Variants in ROBO1 observed in about 807,000 individuals in gnomAD.
The protein encoded by ROBO1 is roundabout guidance receptor 1.
ROBO1 carries 149 observed loss-of-function variants against 195.9 expected under a neutral mutation model. That is an observed-to-expected ratio of 0.76 (90% CI 0.67 to 0.87). The LOEUF (loss-of-function observed/expected upper bound fraction) is 0.87. Among genes scored for constraint, ROBO1 ranks in the 40% least tolerant of loss-of-function variants. The pLI, the probability that ROBO1 is intolerant of heterozygous loss-of-function variation, is 0.00. For missense variants in ROBO1, 1,933 were observed against 2,068.3 expected, an observed-to-expected ratio of 0.93 and a Z score of 1.27; for synonymous variants, 816 against 733.2, an observed-to-expected ratio of 1.11 and a Z score of -1.82.
At chr3:79,009,664 A>AC (rs1273027331) in intron 3 of ROBO1, among the ~76,000 whole-genome samples, 2 of 152,210 alleles carry the variant, frequency 1.3e-5, no homozygotes, top group African/African-American at 2.4e-5. Flanking sequence ...ATTGGCAGGA[A>AC]TTATGTGAAC....
intron 3 of ROBO1, among the ~76,000 whole-genome samples, chr3:79,076,475 T>C (rs186226429): frequency 2.0e-5 from 3 of 151,606 alleles, no homozygotes; most frequent in Non-Finnish European, 1.5e-5. Context: ...AATTTTATAA[T>C]GAAATACTGT....
intron 8 of ROBO1, among the ~76,000 whole-genome samples, chr3:78,712,653 C>T (rs748379484): frequency 3.9e-5 from 6 of 152,070 alleles, no homozygotes; most frequent in Admixed American, 6.5e-5. Context: ...GAAAACACAA[C>T]GCAGTTGAAA....
chr3:79,449,949 A>G (rs1225933566), intron 2 of ROBO1, among the ~76,000 whole-genome samples: 1 of 152,094 alleles, frequency 6.6e-6, no homozygotes, highest in East Asian at 1.9e-4. Flanking sequence ...AGGTTAAGAA[A>G]CATACCCAAG....
rs187606626 is a variant in ROBO1 at position 79,610,310 on chromosome 3, T to C, written c.-50-20349A>G. Among the ~76,000 whole-genome samples the C allele has an allele frequency of 1.4e-3, 209 of 151,958 alleles. 2 individuals carry two copies. The highest frequency in any genetic ancestry group is 0.013 in the Admixed American group (192 of 15,208). The stretch of plus-strand genomic sequence containing the variant: ...TACAATATGATATTGACAATAGTAA[T>C]CAATAATAAAATAGGATAAGTATAA... On this transcript the variant is annotated intron_variant, in intron 1 of 30. Coordinates refer to ENST00000464233, the MANE Select transcript of ROBO1 (RefSeq NM_002941.4).
chr3:79,080,503 TTTAGTTTCTCAATA>T (rs1351396397), intron 3 of ROBO1, among the ~76,000 whole-genome samples: 1 of 152,088 alleles, frequency 6.6e-6, no homozygotes, highest in Non-Finnish European at 1.5e-5. Flanking sequence ...CAGTTTCTAC[TTTAGTTTCTCAATA>T]TTTAAAATCC....
At chr3:78,678,422 A>C (rs992326482) in intron 10 of ROBO1, among the ~76,000 whole-genome samples, 2 of 152,110 alleles carry the variant, frequency 1.3e-5, no homozygotes, top group Non-Finnish European at 2.9e-5. Context: ...ATTGATAGAC[A>C]GCTAGCAAGA....
intron 1 of ROBO1, among the ~76,000 whole-genome samples, chr3:79,590,814 T>C (rs1463684928): frequency 6.6e-6 from 1 of 151,456 alleles, no homozygotes; most frequent in African/African-American, 2.4e-5. Context: ...TTATCATAGA[T>C]AGGTAGATAG....
At chr3:78,770,911 T>C (rs2083356247) in intron 4 of ROBO1, among the ~76,000 whole-genome samples, 1 of 151,448 alleles carries the variant, frequency 6.6e-6, no homozygotes, top group South Asian at 2.1e-4. Flanking sequence ...TAAATAATAA[T>C]AAAAAAAATA....
At chr3:79,040,477 G>A (rs1411575677) in intron 3 of ROBO1, among the ~76,000 whole-genome samples, 1 of 152,048 alleles carries the variant, frequency 6.6e-6, no homozygotes, top group Non-Finnish European at 1.5e-5. Context: ...GGATGAAATT[G>A]CCTACTCATT....
At position 79,646,337 on chromosome 3, in the gene ROBO1, T is replaced by A. The variant is rs563626821; in HGVS notation, c.-50-56376A>T. ...TTAAAATAACTAAACGTCAGAGAAA[T>A]GCAAATCAAACGCACAATGATATAT... On this transcript the variant is annotated intron_variant, in intron 1 of 30. Transcript: ENST00000464233. Among the ~76,000 whole-genome samples, 9 of 152,082 alleles carry A rather than the reference T, an allele frequency of 5.9e-5. No homozygotes were observed. In the East Asian group the frequency reaches 1.7e-3, roughly 29 times the overall value.
At position 78,651,718 on chromosome 3, in the gene ROBO1, G is replaced by A; in HGVS notation, c.2812+14C>T. 6.5e-7 allele frequency: 1 copy of A among 1,539,648 alleles called. No homozygotes were observed. The highest frequency in any genetic ancestry group is 2.1e-5 in the Admixed American group (1 of 47,236). On this transcript the variant is annotated intron_variant, in intron 19 of 30. Coordinates refer to ENST00000464233, the MANE Select transcript of ROBO1 (RefSeq NM_002941.4). ...ATAAACATTAAAATATGAAAACCTT[G>A]GGAAAGCTAATACCTTTTCTGATAC...
chr3:79,684,636 G>A (rs1947045902), intron 1 of ROBO1, among the ~76,000 whole-genome samples: 1 of 151,702 alleles, frequency 6.6e-6, no homozygotes, highest in Non-Finnish European at 1.5e-5. Flanking sequence ...TTAATTTTTT[G>A]TTGCATACTC....
intron 8 of ROBO1, chr3:78,693,493 G>A: frequency 1.5e-6 from 1 of 658,374 alleles, no homozygotes; most frequent in Non-Finnish European, 2.6e-6. Context: ...TGAATATATG[G>A]CTCACACTGT....
intron 2 of ROBO1, among the ~76,000 whole-genome samples, chr3:79,501,083 T>A (rs1169316106): frequency 6.6e-6 from 1 of 152,168 alleles, no homozygotes; most frequent in Non-Finnish European, 1.5e-5. Flanking sequence ...AGGCAGGGTA[T>A]GGCAAACCAT....
At chr3:79,433,649 G>A (rs2107057262) in intron 2 of ROBO1, among the ~76,000 whole-genome samples, 1 of 152,230 alleles carries the variant, frequency 6.6e-6, no homozygotes, top group Middle Eastern at 3.4e-3. Context: ...TAGATTCAAT[G>A]CCATCCCCAT....
intron 2 of ROBO1, among the ~76,000 whole-genome samples, chr3:79,353,771 G>A (rs145843957): frequency 7.6e-4 from 116 of 152,292 alleles, no homozygotes; most frequent in African/African-American, 2.4e-3. Flanking sequence ...CAGGCCAGGC[G>A]CAGTGGCTCA....
intron 2 of ROBO1, among the ~76,000 whole-genome samples, chr3:79,332,524 T>C (rs1294910218): frequency 2.6e-5 from 4 of 152,170 alleles, no homozygotes; most frequent in Non-Finnish European, 5.9e-5. Context: ...TACACACAGT[T>C]TGAGGATGTA....
intron 3 of ROBO1, among the ~76,000 whole-genome samples, chr3:79,034,231 A>T (rs2078344287): frequency 6.6e-6 from 1 of 152,200 alleles, no homozygotes; most frequent in African/African-American, 2.4e-5. Context: ...GAGGTTTAAA[A>T]AGATGCCCTT....
chr3:79,176,821 T>A (rs1378673751), intron 2 of ROBO1, among the ~76,000 whole-genome samples: 1 of 152,146 alleles, frequency 6.6e-6, no homozygotes, highest in Non-Finnish European at 1.5e-5. Flanking sequence ...CAATATATGT[T>A]TTAAGATTCA....
Sources: allele counts gnomAD v4.1 joint callset (sites outside exome capture counted in the v4.1 genomes callset), GRCh38; gene constraint gnomAD v4.1.1; transcripts MANE v1.5; gene names NCBI Gene and HGNC (gene_info 2026-07-23, HGNC 2026-07-21).